Variants in RBFOX1 observed in about 807,000 individuals in gnomAD.
RBFOX1 encodes RNA binding protein fox-1 homolog 1.
In RBFOX1, 8 loss-of-function variants were observed where a neutral mutation model predicts 57.7. The observed-to-expected ratio is 0.14, with a 90% confidence interval of 0.08 to 0.25. RBFOX1 has a LOEUF of 0.25. RBFOX1 is among the 10% of genes least tolerant of loss of function. RBFOX1 has a pLI of 1.00. For missense variants in RBFOX1, 611 were observed against 548.5 expected (o/e 1.11, Z -1.14); for synonymous variants, 326 against 222.4 (o/e 1.47, Z -4.15).
In RBFOX1 at chr16:5,379,463, T is replaced by A. The variant is rs113421504; in HGVS notation, c.220-87753T>A. On this transcript the variant is annotated intron_variant, in intron 1 of 2. Coordinates refer to the RBFOX1 transcript ENST00000585867. ...ATGGAAAGTGTGTCTGAAAACATAA[T>A]CATCTCTGAATGACACAGTCATTCA... Among the ~76,000 whole-genome samples, 493 of 152,148 alleles carry A rather than the reference T, an allele frequency of 3.2e-3. 21 individuals are homozygous for A. Among genetic ancestry groups the A allele is most frequent in the Middle Eastern group, 0.014 (4 of 294 alleles).
At chr16:6,624,642 G>C (rs1262126229) in intron 2 of RBFOX1, among the ~76,000 whole-genome samples, 1 of 152,110 alleles carries the variant, frequency 6.6e-6, no homozygotes, top group African/African-American at 2.4e-5. Context: ...GAAAACAAAT[G>C]GGGTTTTGTT....
intron 1 of RBFOX1, among the ~76,000 whole-genome samples, chr16:6,159,531 C>T (rs567327597): frequency 2.0e-4 from 31 of 152,278 alleles, no homozygotes; most frequent in Admixed American, 9.2e-4. Flanking sequence ...AGTTCCAGTG[C>T]ACACAGCACA....
At chr16:5,512,792 A>C (rs1443308380) in intron 2 of RBFOX1, among the ~76,000 whole-genome samples, 1 of 152,130 alleles carries the variant, frequency 6.6e-6, no homozygotes, top group South Asian at 2.1e-4. Context: ...TAAAGTCCAC[A>C]CTTTATTAGG....
At chr16:6,802,203 G>A (rs535203205) in intron 3 of RBFOX1, among the ~76,000 whole-genome samples, 92 of 152,068 alleles carry the variant, frequency 6.0e-4, no homozygotes, top group Non-Finnish European at 1.2e-3. Context: ...TTTGTAGATG[G>A]GCTCTGGCTG....
At chr16:6,972,488 T>G (rs1335007475) in intron 3 of RBFOX1, among the ~76,000 whole-genome samples, 1 of 152,180 alleles carries the variant, frequency 6.6e-6, no homozygotes, top group Admixed American at 6.5e-5. Context: ...CATTCATCTG[T>G]CAGTGGACAT....
intron 3 of RBFOX1, among the ~76,000 whole-genome samples, chr16:6,827,266 C>G (rs978638660): frequency 6.6e-6 from 1 of 151,602 alleles, no homozygotes; most frequent in African/African-American, 2.4e-5. Flanking sequence ...TCAATATGAT[C>G]TGCAAAGGGT....
intron 2 of RBFOX1, among the ~76,000 whole-genome samples, chr16:5,526,480 G>C (rs2015887): frequency 0.41 from 61,850 of 151,616 alleles, 14,050 homozygotes; most frequent in East Asian, 0.96. Flanking sequence ...GTAGAGATGG[G>C]GTTTTACCAT....
chr16:6,348,882 T>C (rs959778969), intron 2 of RBFOX1, among the ~76,000 whole-genome samples: 23 of 152,138 alleles, frequency 1.5e-4, no homozygotes, highest in African/African-American at 4.1e-4. Flanking sequence ...CCATATCAGA[T>C]GGCAACCCAG....
At chr16:6,043,118 C>CAAAAAAA (rs1212974039) in intron 1 of RBFOX1, among the ~76,000 whole-genome samples, 1 of 37,752 alleles carries the variant, frequency 2.6e-5, no homozygotes, top group Non-Finnish European at 4.9e-5. Flanking sequence ...ATTGTGTTTC[C>CAAAAAAA]AGAAAAAAAA....
chr16:5,800,765 G>A (rs750787211), intron 3 of RBFOX1, among the ~76,000 whole-genome samples: 10 of 152,234 alleles, frequency 6.6e-5, no homozygotes, highest in South Asian at 2.1e-4. Flanking sequence ...AGGGCCGCTC[G>A]GAAACCTAAG....
At chr16:6,954,081 A>G (rs1184630035) in intron 3 of RBFOX1, among the ~76,000 whole-genome samples, 1 of 152,196 alleles carries the variant, frequency 6.6e-6, no homozygotes, top group African/African-American at 2.4e-5. Context: ...CAAGGCGGTA[A>G]TAAAGTGTAA....
rs577426182 is a variant in RBFOX1 at position 7,302,704 on chromosome 16, G to C, written c.28-215443G>C. Among the ~76,000 whole-genome samples the C allele has an allele frequency of 2.7e-5, 4 of 146,844 alleles. No homozygotes were observed. The East Asian group carries it at 7.9e-4, about 29-fold the overall frequency. ...TTAAAAAAATATGGCTACTCTTCCT[G>C]ATCACGATTTTATTGCTGCCAAGAA... On this transcript the variant is annotated intron_variant, in intron 4 of 15. Coordinates refer to ENST00000550418, the MANE Select transcript of RBFOX1 (RefSeq NM_018723.4).
At chr16:6,214,209 C>G (rs770968673) in intron 1 of RBFOX1, among the ~76,000 whole-genome samples, 4 of 152,202 alleles carry the variant, frequency 2.6e-5, no homozygotes, top group African/African-American at 4.8e-5. Flanking sequence ...TCATGTTTCC[C>G]TTCTTGTACC....
At chr16:7,481,947 A>C (rs1336391863) in intron 4 of RBFOX1, among the ~76,000 whole-genome samples, 1 of 152,244 alleles carries the variant, frequency 6.6e-6, no homozygotes, top group Non-Finnish European at 1.5e-5. Flanking sequence ...AGTGAAAAAC[A>C]GTATGGTTAT....
intron 4 of RBFOX1, among the ~76,000 whole-genome samples, chr16:7,414,978 G>C (rs11644980): frequency 0.2 from 31,144 of 152,170 alleles, 3,296 homozygotes; most frequent in East Asian, 0.32. Context: ...CAACATTACA[G>C]ATGAGGGGAG....
intron 1 of RBFOX1, among the ~76,000 whole-genome samples, chr16:6,231,773 C>G (rs1305975317): frequency 6.6e-6 from 1 of 150,954 alleles, no homozygotes; most frequent in Admixed American, 6.6e-5. Flanking sequence ...CTTTTATTTT[C>G]CAGCACAATG....
chr16:7,253,892 C>G (rs549680479), intron 4 of RBFOX1, among the ~76,000 whole-genome samples: 3 of 152,264 alleles, frequency 2.0e-5, no homozygotes, highest in East Asian at 1.9e-4. Flanking sequence ...TTTGTTCGTT[C>G]ATTACCTGAA....
rs201146026 is a variant in RBFOX1 at position 6,492,570 on chromosome 16, AAAAT to A, written c.-63-162021_-63-162018del. Among the ~76,000 whole-genome samples the A allele has an allele frequency of 4.9e-3, 732 of 149,550 alleles. 21 individuals are homozygous for A. In the East Asian group the frequency reaches 0.095, roughly 19 times the overall value. On this transcript the variant is annotated intron_variant, in intron 2 of 15. Transcript: ENST00000550418. Reference sequence around the variant, plus strand: ...GGTGACAGAGTGAGACTCCATCTCAAAAATAAATAAATAAAAATTAAATAAATAA... The same window carrying A: ...GGTGACAGAGTGAGACTCCATCTCAAAAATAAATAAAAATTAAATAAATAA...
chr16:5,740,546 A>C (rs1189833175), intron 3 of RBFOX1, among the ~76,000 whole-genome samples: 2 of 152,236 alleles, frequency 1.3e-5, no homozygotes, highest in African/African-American at 4.8e-5. Flanking sequence ...AACCAAACCC[A>C]AAATGATAAG....
Sources: allele counts gnomAD v4.1 joint callset (sites outside exome capture counted in the v4.1 genomes callset), GRCh38; gene constraint gnomAD v4.1.1; transcripts MANE v1.5; gene names NCBI Gene and HGNC (gene_info 2026-07-23, HGNC 2026-07-21).